Variants in AFF1 observed in about 807,000 individuals in gnomAD.
AFF1 encodes the protein AF4/FMR2 family member 1.
Under a neutral mutation model 121.7 loss-of-function variants are expected in AFF1, and 48 were observed. The ratio of observed to expected loss-of-function variants is 0.39; its 90% CI spans 0.31 to 0.50. AFF1 has a LOEUF of 0.50. Among genes scored for constraint, AFF1 ranks in the 20% least tolerant of loss-of-function variants. The pLI is 0.76. For missense variants in AFF1, 1,523 were observed against 1,511.7 expected (o/e 1.01, Z -0.12); for synonymous variants, 613 against 563.0 (o/e 1.09, Z -1.26).
chr4:87,132,961 G>A (rs1267806192), intron 19 of AFF1, among the ~76,000 whole-genome samples: 3 of 152,192 alleles, frequency 2.0e-5, no homozygotes, highest in South Asian at 2.1e-4. Flanking sequence ...CCCAAAGTGC[G>A]GGGATGCCAC....
Position 87,118,370 on chromosome 4 carries a change from CTG to C in AFF1, c.2466+3074_2466+3075del, listed in dbSNP as rs558007368. On this transcript the variant is annotated intron_variant, in intron 12 of 20. Transcript: ENST00000395146. ...AATGCATGAGGAAAAGTAGAGAAAA[CTG>C]TGAGGGTAAATACGCATGACCTCAC... Among the ~76,000 whole-genome samples, 349 of 152,326 alleles carry C rather than the reference CTG, an allele frequency of 2.3e-3. 1 individual carries two copies. Among genetic ancestry groups the C allele is most frequent in the Non-Finnish European group, 3.5e-3 (237 of 68,026 alleles).
chr4:87,092,497 A>G (rs1724417430), intron 7 of AFF1, among the ~76,000 whole-genome samples: 1 of 152,192 alleles, frequency 6.6e-6, no homozygotes, highest in South Asian at 2.1e-4. Flanking sequence ...TATGACATAC[A>G]GTTTGTCTAG....
chr4:86,996,188 G>A (rs1725173698), intron 2 of AFF1, among the ~76,000 whole-genome samples: 1 of 152,204 alleles, frequency 6.6e-6, no homozygotes, highest in Admixed American at 6.5e-5. Flanking sequence ...GAAGTGAGGA[G>A]CCCCTCTGCC....
chr4:87,075,604 A>G (rs1722579558), intron 4 of AFF1, among the ~76,000 whole-genome samples: 1 of 152,192 alleles, frequency 6.6e-6, no homozygotes, highest in South Asian at 2.1e-4. Context: ...TTCTGATGTT[A>G]CTGTCATATC....
intron 4 of AFF1, among the ~76,000 whole-genome samples, chr4:87,077,067 T>C (rs1223572355): frequency 6.6e-6 from 1 of 152,218 alleles, no homozygotes; most frequent in African/African-American, 2.4e-5. Context: ...TATTTCTTCC[T>C]CAAAACAACC....
At chr4:86,974,499 A>G (rs113817414) in intron 2 of AFF1, among the ~76,000 whole-genome samples, 352 of 152,224 alleles carry the variant, frequency 2.3e-3, no homozygotes, top group African/African-American at 8.1e-3. Flanking sequence ...AGTTTGTTTA[A>G]ATGCAGGGAT....
At chr4:86,938,382 G>A (rs1214698697) in intron 1 of AFF1, among the ~76,000 whole-genome samples, 2 of 151,142 alleles carry the variant, frequency 1.3e-5, no homozygotes, top group South Asian at 4.2e-4. Context: ...CCCAGGAGGC[G>A]GAGGTTGCAG....
At chr4:87,031,436 TATG>T (rs1414656972) in intron 2 of AFF1, among the ~76,000 whole-genome samples, 3 of 148,206 alleles carry the variant, frequency 2.0e-5, no homozygotes, top group Non-Finnish European at 4.5e-5. Flanking sequence ...ACTCTTAGCA[TATG>T]TTTTTTTTTT....
intron 2 of AFF1, among the ~76,000 whole-genome samples, chr4:86,951,159 C>T (rs1487610952): frequency 6.6e-6 from 1 of 152,146 alleles, no homozygotes; most frequent in Non-Finnish European, 1.5e-5. Flanking sequence ...TGTCATATAG[C>T]AATGCTCAGA....
At chr4:87,056,784 A>G (rs1173301710) in intron 4 of AFF1, among the ~76,000 whole-genome samples, 1 of 152,226 alleles carries the variant, frequency 6.6e-6, no homozygotes, top group Non-Finnish European at 1.5e-5. Flanking sequence ...TGAGCAAGGT[A>G]ATACGGAACT....
intron 2 of AFF1, among the ~76,000 whole-genome samples, chr4:87,037,957 G>T (rs1323788029): frequency 1.3e-5 from 2 of 151,098 alleles, no homozygotes; most frequent in Admixed American, 6.6e-5. Context: ...TTGCAAAATG[G>T]GGTCACATAA....
Position 87,022,580 on chromosome 4 carries a change from A to ATATC in AFF1, c.39-23578_39-23575dup, listed in dbSNP as rs1194224274. Among the ~76,000 whole-genome samples the ATATC allele has an allele frequency of 1.6e-3, 146 of 89,250 alleles. 2 individuals are homozygous for ATATC. The highest frequency in any genetic ancestry group is 4.7e-3 in the East Asian group (15 of 3,180). The allele number at this position is 89,250 out of a possible 152,430, so 58.6% of individuals were successfully genotyped here. A position where few individuals can be genotyped will look rare whatever the true frequency, so the allele number is the denominator to read the frequency against. ...TATATATATATATATATATATATAT[A>ATATC]TATCTATCTATATCTATCTGTGTGT... On this transcript the variant is annotated intron_variant, in intron 2 of 20. Transcript: ENST00000395146.
intron 2 of AFF1, among the ~76,000 whole-genome samples, chr4:86,955,274 A>G (rs1721658394): frequency 6.6e-6 from 1 of 152,248 alleles, no homozygotes; most frequent in South Asian, 2.1e-4. Flanking sequence ...CGTCAACTCA[A>G]ATACCACTTG....
chr4:87,049,177 G>C (rs1038818550), intron 4 of AFF1, among the ~76,000 whole-genome samples: 1 of 149,680 alleles, frequency 6.7e-6, no homozygotes, highest in Non-Finnish European at 1.5e-5. Context: ...AGACAAATTA[G>C]CAAATATTTG....
intron 2 of AFF1, among the ~76,000 whole-genome samples, chr4:87,003,849 T>C (rs955872269): frequency 6.6e-6 from 1 of 152,230 alleles, no homozygotes; most frequent in Non-Finnish European, 1.5e-5. Context: ...AAAGAAAATA[T>C]GCGTACAAAG....
intron 1 of AFF1, among the ~76,000 whole-genome samples, chr4:86,939,924 CAG>C (rs995448954): frequency 5.9e-5 from 9 of 152,152 alleles, no homozygotes; most frequent in African/African-American, 2.2e-4. Context: ...TGTGGTATAG[CAG>C]AGAGTTTAAA....
intron 8 of AFF1, among the ~76,000 whole-genome samples, chr4:87,097,005 G>A (rs575704147): frequency 6.6e-6 from 1 of 152,208 alleles, no homozygotes; most frequent in Non-Finnish European, 1.5e-5. Context: ...TAAACCAGTT[G>A]ATGGCTGGTA....
rs1332677698 is a variant in AFF1 at position 86,988,007 on chromosome 4, C to T, written c.38+39436C>T. The stretch of plus-strand genomic sequence containing the variant: ...GGGTCATGTTATTCCCGCCCACCCC[C>T]CAACCCCAGAGTTTCTGATTCAGTA... On this transcript the variant is annotated intron_variant, in intron 2 of 20. Transcript: ENST00000395146. Among the ~76,000 whole-genome samples the T allele has an allele frequency of 2.6e-5, 4 of 151,650 alleles. 1 individual carries two copies.
rs528063097 is a variant in AFF1 at position 87,063,584 on chromosome 4, T to A, written c.1059+15990T>A. On this transcript the variant is annotated intron_variant, in intron 4 of 20. Transcript: ENST00000395146. Reference sequence around the variant, plus strand: ...GCTTAGAATCTGAAATTGTGGAAGTTTTAATAGTTTTGAATATTATGGCTT... The same window carrying A: ...GCTTAGAATCTGAAATTGTGGAAGTATTAATAGTTTTGAATATTATGGCTT... 5.9e-5 allele frequency among the ~76,000 whole-genome samples: 9 copies of A among 152,254 alleles called. 1 individual carries two copies. The South Asian group carries it at 1.9e-3, about 32-fold the overall frequency.
Sources: gnomAD v4.1 joint callset for allele counts (sites outside exome capture counted in the v4.1 genomes callset) on GRCh38, gnomAD v4.1.1 for gene constraint, MANE v1.5 for transcripts, NCBI Gene and HGNC (gene_info 2026-07-23, HGNC 2026-07-21) for gene names.